DMD: variants seen among roughly 807,000 people sequenced by gnomAD.
DMD encodes the protein mutant dystrophin.
Under a neutral mutation model 330.1 loss-of-function variants are expected in DMD, and 63 were observed. The ratio of observed to expected loss-of-function variants is 0.19; its 90% CI spans 0.16 to 0.24. DMD has a LOEUF of 0.24. Ranked by LOEUF, DMD falls within the 10% of genes least tolerant of loss-of-function variation. The pLI, the probability that DMD is intolerant of heterozygous loss-of-function variation, is 1.00. For missense variants in DMD, 3,344 were observed against 2,684.1 expected, an observed-to-expected ratio of 1.25 and a Z score of -5.43; for synonymous variants, 1,223 against 959.8, an observed-to-expected ratio of 1.27 and a Z score of -5.07.
At chrX:32,595,161 G>A (rs2055376031) in intron 13 of DMD, among the ~76,000 whole-genome samples, 1 of 111,552 alleles carries the variant, frequency 9.0e-6, no homozygotes, top group African/African-American at 3.3e-5. Context: ...AAGCAAATTA[G>A]GGATAATCAG....
intron 7 of DMD, among the ~76,000 whole-genome samples, chrX:32,744,605 G>A (rs1223738953): frequency 2.7e-5 from 3 of 110,778 alleles, no homozygotes; most frequent in Non-Finnish European, 5.7e-5. Flanking sequence ...TCCAAACCTC[G>A]TTATTTAAAC....
At chrX:32,899,999 A>G (rs1317654896) in intron 2 of DMD, among the ~76,000 whole-genome samples, 4 of 111,952 alleles carry the variant, frequency 3.6e-5, no homozygotes, top group Admixed American at 9.5e-5. Context: ...TTTGTGAACC[A>G]CTGGGCTTTC....
intron 2 of DMD, among the ~76,000 whole-genome samples, chrX:32,876,358 G>C (rs868355211): frequency 8.9e-6 from 1 of 111,796 alleles, no homozygotes; most frequent in South Asian, 3.7e-4. Flanking sequence ...ATCCAATTTA[G>C]TCTATGTAGT....
At chrX:32,686,559 C>CAAAAAAAAAAAAAAAAAAAAA (rs750534167) in intron 9 of DMD, among the ~76,000 whole-genome samples, 15 of 28,581 alleles carry the variant, frequency 5.2e-4, no homozygotes, top group African/African-American at 1.7e-3. Context: ...AACTCCATCT[C>CAAAAAAAAAAAAAAAAAAAAA]AAAAAAAAAA....
In DMD at chrX:32,716,116, G is replaced by A. The variant is rs188456648; in HGVS notation, c.650-16823C>T. On this transcript the variant is annotated intron_variant, in intron 7 of 78. Coordinates refer to ENST00000357033, the MANE Select transcript of DMD (RefSeq NM_004006.3). ...GTTCTCCAGAAAAATACTGAACAGC[G>A]TCAATACAGAGGAGGAATATTCTTG... is the stretch of plus-strand genomic sequence containing the variant. 3.4e-3 allele frequency among the ~76,000 whole-genome samples: 375 copies of A among 111,376 alleles called. 5 individuals are homozygous for A. The highest frequency in any genetic ancestry group is 0.029 in the Admixed American group (299 of 10,432).
In DMD at chrX:31,709,584, C is replaced by G. The variant is rs199970715; in HGVS notation, c.7660+20047G>C. 7.4e-4 allele frequency among the ~76,000 whole-genome samples: 70 copies of G among 94,024 alleles called. 1 individual carries two copies. The highest frequency in any genetic ancestry group is 2.4e-3 in the East Asian group (7 of 2,935). The allele number at this position is 94,024 out of a possible 115,157, so 81.6% of individuals were successfully genotyped here. The stretch of plus-strand genomic sequence containing the variant: ...TCTCTCTCTCTCTCTCTCTCTCTGT[C>G]TGTGTGTGTGTGTGTGTGTGTGTGT... On this transcript the variant is annotated intron_variant, in intron 52 of 78. Transcript: ENST00000357033.
chrX:32,039,640 G>A (rs1313612669), intron 44 of DMD, among the ~76,000 whole-genome samples: 1 of 111,707 alleles, frequency 9.0e-6, no homozygotes, highest in Non-Finnish European at 1.9e-5. Context: ...CCAAATAAAC[G>A]ATATAGAACA....
At chrX:32,106,884 A>T (rs899176739) in intron 44 of DMD, among the ~76,000 whole-genome samples, 8 of 112,154 alleles carry the variant, frequency 7.1e-5, no homozygotes, top group African/African-American at 2.6e-4. Context: ...GGCAAAACTG[A>T]TTTATTTTCC....
intron 7 of DMD, among the ~76,000 whole-genome samples, chrX:32,801,080 C>G (rs1009928949): frequency 9.0e-6 from 1 of 111,443 alleles, no homozygotes; most frequent in Non-Finnish European, 1.9e-5. Flanking sequence ...ATTTCTGGCT[C>G]TAGATCCTTG....
chrX:31,805,876 T>A (rs2092275305), intron 50 of DMD, among the ~76,000 whole-genome samples: 1 of 112,400 alleles, frequency 8.9e-6, no homozygotes, highest in Non-Finnish European at 1.9e-5. Context: ...CTACAAGGAA[T>A]CTATTGACTA....
At chrX:32,712,179 A>G (rs1390592520) in intron 7 of DMD, among the ~76,000 whole-genome samples, 1 of 111,691 alleles carries the variant, frequency 9.0e-6, no homozygotes, top group Non-Finnish European at 1.9e-5. Flanking sequence ...CACTTGCCAT[A>G]AGTCGAGGAT....
intron 4 of DMD, among the ~76,000 whole-genome samples, chrX:32,838,449 A>C (rs752320493): frequency 7.3e-5 from 8 of 109,788 alleles, no homozygotes; most frequent in Non-Finnish European, 1.3e-4. Context: ...CCTAATGTCC[A>C]TATGTTCTCA....
At chrX:31,263,371 C>G (rs2050716496) in intron 62 of DMD, among the ~76,000 whole-genome samples, 1 of 112,349 alleles carries the variant, frequency 8.9e-6, no homozygotes. Context: ...TCCCCATCTT[C>G]TAAAGAAATT....
chrX:33,157,530 C>T (rs1412922216), intron 1 of DMD, among the ~76,000 whole-genome samples: 1 of 112,366 alleles, frequency 8.9e-6, no homozygotes, highest in East Asian at 2.8e-4. Flanking sequence ...ACCCAGTGCA[C>T]GTGATAACAC....
intron 1 of DMD, among the ~76,000 whole-genome samples, chrX:33,098,889 G>C (rs1169729613): frequency 9.0e-6 from 1 of 111,520 alleles, no homozygotes; most frequent in Non-Finnish European, 1.9e-5. Flanking sequence ...TTTCAAAAGA[G>C]ACAAAGGCAG....
At chrX:31,263,256 G>A (rs2050703822) in intron 62 of DMD, among the ~76,000 whole-genome samples, 1 of 112,042 alleles carries the variant, frequency 8.9e-6, no homozygotes, top group African/African-American at 3.2e-5. Context: ...GAGGAACATA[G>A]GCAAGAAATA....
chrX:31,550,150 G>A (rs150891413), intron 55 of DMD, among the ~76,000 whole-genome samples: 7,631 of 111,294 alleles, frequency 0.069, 238 homozygotes, highest in African/African-American at 0.11. Flanking sequence ...GCCAATTGAT[G>A]CTTCACATCT....
At chrX:32,453,815 G>C (rs969871375) in intron 26 of DMD, among the ~76,000 whole-genome samples, 2 of 110,314 alleles carry the variant, frequency 1.8e-5, no homozygotes, top group African/African-American at 6.6e-5. Context: ...ATTTTTCCTT[G>C]TCACAATCCT....
At chrX:32,300,879 T>C (rs1055012490) in intron 42 of DMD, among the ~76,000 whole-genome samples, 4 of 110,949 alleles carry the variant, frequency 3.6e-5, no homozygotes, top group African/African-American at 9.8e-5. Context: ...GAATGGAATA[T>C]GCTTTTTTAA....
Sources: allele counts gnomAD v4.1 joint callset (sites outside exome capture counted in the v4.1 genomes callset), GRCh38; gene constraint gnomAD v4.1.1; transcripts MANE v1.5; gene names NCBI Gene and HGNC (gene_info 2026-07-23, HGNC 2026-07-21).